Variants in JAK1 observed in about 807,000 individuals in gnomAD.
JAK1 encodes Janus kinase 1.
JAK1 carries 16 observed loss-of-function variants against 136.6 expected under a neutral mutation model. The observed-to-expected ratio is 0.12, with a 90% CI of 0.08 to 0.18. JAK1 has a LOEUF of 0.18. Ranked by LOEUF, JAK1 falls within the 10% of genes least tolerant of loss-of-function variation. JAK1 has a pLI of 1.00. For missense variants in JAK1, 859 were observed against 1,450.1 expected (o/e 0.59, Z 6.62); for synonymous variants, 492 against 519.5 (o/e 0.95, Z 0.72).
intron 1 of JAK1, among the ~76,000 whole-genome samples, chr1:64,898,362 G>A (rs758172516): frequency 6.6e-6 from 1 of 152,208 alleles, no homozygotes; most frequent in Non-Finnish European, 1.5e-5. Flanking sequence ...GGAATACAGA[G>A]TCAGAAACCA....
intron 9 of JAK1, among the ~76,000 whole-genome samples, chr1:64,858,848 G>A (rs886810651): frequency 3.9e-5 from 6 of 152,176 alleles, no homozygotes; most frequent in Admixed American, 3.9e-4. Context: ...AAGGGAAAGA[G>A]GTATGATTGT....
intron 2 of JAK1, among the ~76,000 whole-genome samples, chr1:65,019,923 A>AAAG (rs536941575): frequency 4.1e-4 from 61 of 149,388 alleles, no homozygotes; most frequent in East Asian, 4.0e-3. Context: ...CTCAAAAAAA[A>AAAG]AAGAAGAAGA....
intron 2 of JAK1, chr1:64,987,805 T>C (rs558909726): frequency 6.6e-6 from 1 of 152,136 alleles, no homozygotes; most frequent in East Asian, 1.9e-4. Flanking sequence ...GACCTAAAGA[T>C]AGAAAGGGGA....
intron 9 of JAK1, among the ~76,000 whole-genome samples, chr1:64,858,312 G>C (rs1656073412): frequency 1.3e-5 from 2 of 152,208 alleles, no homozygotes; most frequent in South Asian, 4.1e-4. Flanking sequence ...GGCATGTAGA[G>C]AGCAGTGAAT....
At chr1:64,855,764 A>C (rs907147504) in intron 10 of JAK1, 66 bp from the exon 11 acceptor site, 1 of 1,338,608 alleles carries the variant, frequency 7.5e-7, no homozygotes, top group Non-Finnish European at 1.0e-6. Flanking sequence ...GTAAGATATT[A>C]ACATTAGGGG....
In JAK1 at chr1:64,886,302, G is replaced by T; in HGVS notation, c.-38C>A. ...CCAGTGTTCTCCAAGAAGCAAACTG[G>T]ATTTTCTTCTCTACTTTCCAAAGCT... is the stretch of plus-strand genomic sequence containing the variant. On this transcript the variant is annotated 5_prime_UTR_variant, in exon 2 of 25. Coordinates refer to ENST00000342505, the MANE Select transcript of JAK1 (RefSeq NM_002227.4). 2 of 1,589,940 alleles carry T rather than the reference G, an allele frequency of 1.3e-6. No homozygotes were observed. Among genetic ancestry groups the T allele is most frequent in the South Asian group, 1.2e-5 (1 of 86,230 alleles).
intron 2 of JAK1, among the ~76,000 whole-genome samples, chr1:65,024,102 T>C (rs944738033): frequency 6.6e-5 from 10 of 152,268 alleles, no homozygotes; most frequent in South Asian, 6.2e-4. Flanking sequence ...TTTGCGGCCA[T>C]ATATTTCCAT....
chr1:64,870,025 C>A (rs990932734), intron 5 of JAK1, among the ~76,000 whole-genome samples: 3 of 152,154 alleles, frequency 2.0e-5, no homozygotes, highest in Admixed American at 6.5e-5. Flanking sequence ...TATACCCCCC[C>A]ACTGATGGAG....
Position 64,845,760 on chromosome 1 carries a change from T to TG in JAK1, c.1988-121dup, listed in dbSNP as rs1655192138. 9 of 1,227,758 alleles carry TG rather than the reference T, an allele frequency of 7.3e-6. No homozygotes were observed. In the Admixed American group the frequency reaches 8.9e-5, roughly 12 times the overall value. 76.1% of individuals were successfully genotyped at this position (1,227,758 alleles called of 1,614,324 possible). A position where few individuals can be genotyped will look rare whatever the true frequency, so the allele number is the denominator to read the frequency against. ...CGGCCTCAGAGTACACAGATATCCTTGGGGGGTGCAATGGTGCAGGGGCTT... is the reference window on the plus strand; with the variant it reads ...CGGCCTCAGAGTACACAGATATCCTTGGGGGGGTGCAATGGTGCAGGGGCTT... On this transcript the variant is annotated intron_variant, in intron 14 of 24. Coordinates refer to ENST00000342505, the MANE Select transcript of JAK1 (RefSeq NM_002227.4).
chr1:65,028,732 A>T (rs1345947175), intron 2 of JAK1, among the ~76,000 whole-genome samples: 1 of 152,210 alleles, frequency 6.6e-6, no homozygotes. Flanking sequence ...ACCATGTTAC[A>T]TGTTTTTACA....
chr1:64,854,342 T>C (rs1046865140), intron 11 of JAK1, among the ~76,000 whole-genome samples: 6 of 152,174 alleles, frequency 3.9e-5, no homozygotes, highest in Non-Finnish European at 7.4e-5. Flanking sequence ...GGGGCCTCAG[T>C]GGCAATCGTG....
At chr1:64,880,609 T>C (rs1289391119) in intron 3 of JAK1, among the ~76,000 whole-genome samples, 1 of 152,158 alleles carries the variant, frequency 6.6e-6, no homozygotes, top group African/African-American at 2.4e-5. Flanking sequence ...TACTGAGTAG[T>C]AAAACAATAA....
intron 2 of JAK1, among the ~76,000 whole-genome samples, chr1:65,031,374 TG>T (rs2100814567): frequency 6.6e-6 from 1 of 152,226 alleles, no homozygotes; most frequent in East Asian, 1.9e-4. Flanking sequence ...TCAGAATACT[TG>T]TAGGAGTTAT....
At chr1:64,967,958 T>C (rs949677440), upstream of JAK1, among the ~76,000 whole-genome samples, 1 of 152,150 alleles carries the variant, frequency 6.6e-6, no homozygotes, top group African/African-American at 2.4e-5. Flanking sequence ...TCTTCACCTG[T>C]TAAATAGGGA....
chr1:64,847,553 G>A lies in JAK1; in HGVS notation c.1878C>T (p.Pro626=). ...TTGCCAGGGAAATATCCCTGTGGCT[G>A]GGGTCTAAGACTTTGAGGATCACTT... is the stretch of plus-strand genomic sequence containing the variant. ...KIKVILKVLD[P]SHRDISLAFF... Residue 626 remains proline, a synonymous_variant, in exon 13 of 25, where the codon CCC becomes CCT. Coordinates refer to ENST00000342505, the MANE Select transcript of JAK1 (RefSeq NM_002227.4). 6.2e-7 allele frequency: 1 copy of A among 1,614,038 alleles called. No homozygotes were observed. The highest frequency in any genetic ancestry group is 8.5e-7 in the Non-Finnish European group (1 of 1,179,980).
chr1:64,982,034 A>C lies in JAK1; in HGVS notation c.-78+62446T>G, dbSNP rs191560332. On this transcript the variant is annotated intron_variant, in intron 2 of 25. Coordinates refer to the JAK1 transcript ENST00000671954. ...CACCTTTCCGAGCTTCCAGTTACTT[A>C]TCTGTACATATACAATTCTACAGAG... Among the ~76,000 whole-genome samples, 5 of 152,238 alleles carry C rather than the reference A, an allele frequency of 3.3e-5. No homozygotes were observed. In the East Asian group the frequency reaches 7.7e-4, roughly 23 times the overall value.
chr1:64,871,790 T>C (rs569272216), intron 5 of JAK1, among the ~76,000 whole-genome samples: 118 of 152,356 alleles, frequency 7.7e-4, no homozygotes, highest in Admixed American at 3.8e-3. Context: ...AACCAGCATT[T>C]TCTCTCCCAG....
intron 1 of JAK1, among the ~76,000 whole-genome samples, chr1:64,902,127 A>C (rs943451523): frequency 6.6e-6 from 1 of 152,220 alleles, no homozygotes; most frequent in South Asian, 2.1e-4. Context: ...AATCATTGTG[A>C]GGTCAATGGA....
chr1:65,024,103 A>G (rs1329804490), intron 2 of JAK1, among the ~76,000 whole-genome samples: 2 of 152,062 alleles, frequency 1.3e-5, no homozygotes, highest in Admixed American at 6.6e-5. Flanking sequence ...TTGCGGCCAT[A>G]TATTTCCATG....
Sources: gnomAD v4.1 joint callset for allele counts (sites outside exome capture counted in the v4.1 genomes callset) on GRCh38, gnomAD v4.1.1 for gene constraint, MANE v1.5 for transcripts, NCBI Gene and HGNC (gene_info 2026-07-23, HGNC 2026-07-21) for gene names.